The following MYOCD variants were observed in gnomAD, a reference collection of about 807,000 sequenced individuals.
The protein encoded by MYOCD is myocardin.
A neutral mutation model predicts 96.1 loss-of-function variants in MYOCD; 32 were observed. The observed-to-expected ratio is 0.33, with a 90% confidence interval of 0.25 to 0.45. The LOEUF is 0.45. Ranked by LOEUF, MYOCD falls within the 20% of genes least tolerant of loss-of-function variation. MYOCD has a pLI of 1.00. For missense variants in MYOCD, 1,133 were observed against 1,200.6 expected (o/e 0.94, Z 0.83); for synonymous variants, 469 against 469.0 (o/e 1.00, Z 0.00).
chr17:12,690,450 C>T (rs2030387072), intron 1 of MYOCD, among the ~76,000 whole-genome samples: 1 of 151,600 alleles, frequency 6.6e-6, no homozygotes, highest in East Asian at 1.9e-4. Context: ...ATTAAGTTTA[C>T]AGGAAAAAGG....
At chr17:12,667,920 GATATCACAGC>G (rs11279034) in intron 1 of MYOCD, among the ~76,000 whole-genome samples, 3,932 of 152,126 alleles carry the variant, frequency 0.026, 154 homozygotes, top group African/African-American at 0.089. Flanking sequence ...GGGAAAACAT[GATATCACAGC>G]AGAAGCAGGC....
intron 1 of MYOCD, among the ~76,000 whole-genome samples, chr17:12,700,551 C>G (rs2150668826): frequency 6.6e-6 from 1 of 151,232 alleles, no homozygotes; most frequent in African/African-American, 2.4e-5. Flanking sequence ...GTAGCTGGGA[C>G]TACAGGCACC....
At chr17:12,684,155 CT>C (rs34863981) in intron 1 of MYOCD, among the ~76,000 whole-genome samples, 1 of 151,930 alleles carries the variant, frequency 6.6e-6, no homozygotes, top group African/African-American at 2.4e-5. Context: ...CATAGCAATT[CT>C]TTTTTTTCCA....
At chr17:12,733,884 A>G (rs572625676) in intron 5 of MYOCD, among the ~76,000 whole-genome samples, 1 of 128,370 alleles carries the variant, frequency 7.8e-6, no homozygotes, top group South Asian at 2.6e-4. Flanking sequence ...GAAAAAAGAA[A>G]AAAAGAAAGA....
intron 13 of MYOCD, chr17:12,761,030 A>T: frequency 4.3e-6 from 1 of 230,924 alleles, no homozygotes; most frequent in East Asian, 8.4e-5. Context: ...CAATGCCCCT[A>T]CCTTCTCAAT....
At chr17:12,711,464 C>A (rs2031477806) in intron 2 of MYOCD, among the ~76,000 whole-genome samples, 1 of 152,180 alleles carries the variant, frequency 6.6e-6, no homozygotes, top group Non-Finnish European at 1.5e-5. Flanking sequence ...CCTAAAGAAT[C>A]CTACATGCAT....
Position 12,763,569 on chromosome 17 carries a change from C to T in MYOCD, c.2886C>T (p.Ile962=). The change falls in exon 14 of 14, where the codon ATC becomes ATT. Residue 962 remains isoleucine (I), a synonymous_variant. Coordinates refer to ENST00000425538, the MANE Select transcript of MYOCD (RefSeq NM_001146312.3). ...CCCTCACCACCAGCAGCCCCAGCAT[C>T]TTCAACATCGATTTCCTGGATGTCA... ...FSALTTSSPS[I]FNIDFLDVTD... The T allele has an allele frequency of 6.2e-7, 1 of 1,614,184 alleles. No homozygotes were observed. Among genetic ancestry groups the T allele is most frequent in the Non-Finnish European group, 8.5e-7 (1 of 1,180,038 alleles).
At chr17:12,741,085 C>T (rs558675647) in intron 7 of MYOCD, among the ~76,000 whole-genome samples, 72 of 152,202 alleles carry the variant, frequency 4.7e-4, no homozygotes, top group African/African-American at 1.5e-3. Context: ...TTTCTCAGCT[C>T]GAGTGCCACC....
intron 1 of MYOCD, among the ~76,000 whole-genome samples, chr17:12,701,015 G>A (rs941989659): frequency 5.3e-5 from 8 of 152,196 alleles, no homozygotes; most frequent in Middle Eastern, 3.4e-3. Flanking sequence ...TAGTTTTCAC[G>A]AAATGTGTCC....
intron 9 of MYOCD, among the ~76,000 whole-genome samples, chr17:12,750,239 T>G (rs2032806924): frequency 6.6e-6 from 1 of 152,148 alleles, no homozygotes; most frequent in Admixed American, 6.6e-5. Flanking sequence ...ATGTGTGAAC[T>G]GAATCACCTG....
chr17:12,679,042 G>C (rs1910284222), intron 1 of MYOCD, among the ~76,000 whole-genome samples: 1 of 152,188 alleles, frequency 6.6e-6, no homozygotes, highest in Middle Eastern at 3.4e-3. Flanking sequence ...AGCAGATTCA[G>C]ACCTAGAACT....
intron 2 of MYOCD, among the ~76,000 whole-genome samples, chr17:12,715,059 G>A (rs2031596492): frequency 6.6e-6 from 1 of 151,926 alleles, no homozygotes; most frequent in Non-Finnish European, 1.5e-5. Context: ...TTTATCCAGA[G>A]TACCGTCCCT....
chr17:12,728,948 G>A (rs1313639287), intron 5 of MYOCD, among the ~76,000 whole-genome samples: 1 of 152,168 alleles, frequency 6.6e-6, no homozygotes, highest in Non-Finnish European at 1.5e-5. Flanking sequence ...AAAAGATCCT[G>A]TGCTAGTCAC....
intron 5 of MYOCD, among the ~76,000 whole-genome samples, chr17:12,731,182 G>A (rs1400047801): frequency 1.3e-5 from 2 of 152,230 alleles, no homozygotes; most frequent in East Asian, 3.9e-4. Context: ...GAAGATTGGA[G>A]CGGAGGCCCA....
At chr17:12,745,184 A>C (rs2032625261) in intron 8 of MYOCD, among the ~76,000 whole-genome samples, 1 of 151,724 alleles carries the variant, frequency 6.6e-6, no homozygotes, top group African/African-American at 2.4e-5. Context: ...GTCACCTTTT[A>C]TTTTTTTTAA....
chr17:12,670,845 A>G (rs934787362), intron 1 of MYOCD, among the ~76,000 whole-genome samples: 1 of 152,222 alleles, frequency 6.6e-6, no homozygotes, highest in African/African-American at 2.4e-5. Context: ...TAAAAAATGA[A>G]CATATTTTAA....
chr17:12,744,468 G>T, intron 8 of MYOCD, 32 bp downstream of exon 8: 1 of 1,574,552 alleles, frequency 6.4e-7, no homozygotes, highest in South Asian at 1.1e-5. Context: ...GGGTGGCTGT[G>T]GGCAGAGGTT....
At chr17:12,754,076 ATGTG>A (rs71144924) in intron 10 of MYOCD, among the ~76,000 whole-genome samples, 7 of 147,418 alleles carry the variant, frequency 4.7e-5, no homozygotes, top group South Asian at 2.1e-4. Flanking sequence ...GTGTGTGTGT[ATGTG>A]TGTGTGTGTG....
At position 12,666,120 on chromosome 17, in the gene MYOCD, C is replaced by G; in HGVS notation, c.-69C>G. ...TGTTAGCTGCGGTCAGCTGGGCTCC[C>G]GGGAGCCTGTTGCTGGTGGAGAACA... On this transcript the variant is annotated 5_prime_UTR_variant, in exon 1 of 14. Coordinates refer to ENST00000425538, the MANE Select transcript of MYOCD (RefSeq NM_001146312.3). The G allele has an allele frequency of 3.2e-6, 4 of 1,236,368 alleles. No homozygotes were observed. Among genetic ancestry groups the G allele is most frequent in the Non-Finnish European group, 4.8e-6 (4 of 840,744 alleles). The allele number at this position is 1,236,368 out of a possible 1,614,324, so 76.6% of individuals were successfully genotyped here.
Sources: gnomAD v4.1 joint callset for allele counts (sites outside exome capture counted in the v4.1 genomes callset) on GRCh38, gnomAD v4.1.1 for gene constraint, MANE v1.5 for transcripts, NCBI Gene and HGNC (gene_info 2026-07-23, HGNC 2026-07-21) for gene names.